The following RARB variants were observed in gnomAD, a reference collection of about 807,000 sequenced individuals.
RARB encodes the protein HBV-activated protein.
A neutral mutation model predicts 51.9 loss-of-function variants in RARB; 17 were observed. The ratio of observed to expected loss-of-function variants is 0.33; its 90% CI spans 0.22 to 0.49. The LOEUF (loss-of-function observed/expected upper bound fraction) is 0.49. Among genes scored for constraint, RARB ranks in the 20% least tolerant of loss-of-function variants. The pLI is 0.99. For synonymous variants in RARB, 215 were observed against 195.4 expected, an observed-to-expected ratio of 1.10 and a Z score of -0.84; for missense variants, 369 against 550.8, an observed-to-expected ratio of 0.67 and a Z score of 3.30.
chr3:24,894,322 G>C (rs1703440297), intron 2 of RARB, among the ~76,000 whole-genome samples: 1 of 145,160 alleles, frequency 6.9e-6, no homozygotes, highest in African/African-American at 2.6e-5. Context: ...TTGTGTCTGT[G>C]TATTCACTGT....
chr3:25,360,976 G>T (rs747788675), intron 5 of RARB, among the ~76,000 whole-genome samples: 7 of 152,070 alleles, frequency 4.6e-5, no homozygotes, highest in Non-Finnish European at 8.8e-5. Context: ...TCTTCTCAAG[G>T]AGTGTCTTAG....
At chr3:25,306,367 G>C (rs1489761710) in intron 5 of RARB, among the ~76,000 whole-genome samples, 1 of 152,158 alleles carries the variant, frequency 6.6e-6, no homozygotes, top group Non-Finnish European at 1.5e-5. Context: ...TAGGGCTGAT[G>C]AAAAGCACTC....
intron 3 of RARB, among the ~76,000 whole-genome samples, chr3:25,566,924 C>A (rs1346019485): frequency 1.3e-5 from 2 of 152,116 alleles, no homozygotes; most frequent in Non-Finnish European, 2.9e-5. Context: ...TCATAAGGCC[C>A]ACCTCACCTG....
intron 5 of RARB, among the ~76,000 whole-genome samples, chr3:25,233,323 A>G (rs1255448342): frequency 6.6e-6 from 1 of 152,072 alleles, no homozygotes; most frequent in Admixed American, 6.6e-5. Context: ...ACATAACCCC[A>G]TCATAAGTCA....
intron 5 of RARB, among the ~76,000 whole-genome samples, chr3:25,391,269 C>T (rs915354376): frequency 6.6e-6 from 1 of 151,982 alleles, no homozygotes; most frequent in Admixed American, 6.6e-5. Flanking sequence ...GGTATATATA[C>T]CATATTTTCT....
At chr3:25,343,693 G>A (rs1431377526) in intron 5 of RARB, among the ~76,000 whole-genome samples, 1 of 151,996 alleles carries the variant, frequency 6.6e-6, no homozygotes, top group Admixed American at 6.6e-5. Context: ...TTTCTAAGAG[G>A]TATATGGTTT....
At chr3:24,845,753 G>T (rs1261448467) in intron 1 of RARB, among the ~76,000 whole-genome samples, 1 of 151,614 alleles carries the variant, frequency 6.6e-6, no homozygotes, top group Admixed American at 6.6e-5. Context: ...GCAGCAGATA[G>T]CCCCCCTCCA....
At chr3:25,176,100 G>A (rs1360573019) in intron 5 of RARB, among the ~76,000 whole-genome samples, 3 of 152,000 alleles carry the variant, frequency 2.0e-5, no homozygotes, top group African/African-American at 7.2e-5. Context: ...CATTTTAACA[G>A]GTTTCTTTCC....
intron 2 of RARB, among the ~76,000 whole-genome samples, chr3:24,898,757 C>T (rs1055382393): frequency 1.3e-5 from 2 of 152,176 alleles, no homozygotes; most frequent in African/African-American, 4.8e-5. Context: ...ATGGTAGCTG[C>T]ATTTAGCTTT....
chr3:25,309,129 A>ACTTTTTT (rs1704223075), intron 5 of RARB, among the ~76,000 whole-genome samples: 1 of 93,008 alleles, frequency 1.1e-5, no homozygotes, highest in African/African-American at 5.0e-5. Context: ...CTGTGCCTCC[A>ACTTTTTT]TTTTTTTTTT....
intron 2 of RARB, among the ~76,000 whole-genome samples, chr3:24,883,064 C>T (rs751721735): frequency 6.6e-6 from 1 of 152,302 alleles, no homozygotes; most frequent in South Asian, 2.1e-4. Context: ...AAGAGCCTTT[C>T]TCCTTGTGAC....
chr3:25,411,198 A>C (rs1707553467), intron 5 of RARB, among the ~76,000 whole-genome samples: 1 of 152,232 alleles, frequency 6.6e-6, no homozygotes, highest in Non-Finnish European at 1.5e-5. Flanking sequence ...TAACATGTAA[A>C]TGCTTAGACA....
chr3:25,207,058 C>A (rs1207623423), intron 5 of RARB, among the ~76,000 whole-genome samples: 1 of 152,196 alleles, frequency 6.6e-6, no homozygotes, highest in Non-Finnish European at 1.5e-5. Flanking sequence ...ATCACAGAAT[C>A]ATGAGGTTAA....
intron 5 of RARB, among the ~76,000 whole-genome samples, chr3:25,229,596 A>G (rs1702130225): frequency 6.6e-6 from 1 of 152,130 alleles, no homozygotes; most frequent in African/African-American, 2.4e-5. Context: ...TTTCTCTATC[A>G]AAGATAAAAT....
chr3:25,456,678 T>TAGAG lies in RARB; in HGVS notation c.158-4514_158-4513insGAGA, dbSNP rs1258830394. Among the ~76,000 whole-genome samples the TAGAG allele has an allele frequency of 3.5e-4, 39 of 110,266 alleles. 1 individual carries two copies. The highest frequency in any genetic ancestry group is 1.5e-3 in the South Asian group (5 of 3,258). 72.3% of individuals were successfully genotyped at this position (110,266 alleles called of 152,430 possible). ...ATATTTGAATATATATATATATATA[T>TAGAG]ATATAGAGAGAGAGAGAGAGAGAGA... On this transcript the variant is annotated intron_variant, in intron 1 of 7. Coordinates refer to ENST00000330688, the MANE Select transcript of RARB (RefSeq NM_000965.5).
At chr3:24,899,110 C>G (rs1416256038) in intron 2 of RARB, among the ~76,000 whole-genome samples, 1 of 152,154 alleles carries the variant, frequency 6.6e-6, no homozygotes, top group East Asian at 1.9e-4. Context: ...CCATTGGGAC[C>G]AGTGACTTAA....
At chr3:25,567,790 A>G (rs183214886) in intron 3 of RARB, among the ~76,000 whole-genome samples, 1 of 152,264 alleles carries the variant, frequency 6.6e-6, no homozygotes, top group East Asian at 1.9e-4. Context: ...TCACTAGCTA[A>G]GGAAGGCCAT....
chr3:24,895,614 T>TC (rs1188732222), intron 2 of RARB, among the ~76,000 whole-genome samples: 1 of 77,692 alleles, frequency 1.3e-5, no homozygotes, highest in Non-Finnish European at 2.4e-5. Flanking sequence ...TACAATTGGG[T>TC]CTTTTTTTTT....
At chr3:25,531,266 AAG>A (rs1698893628) in intron 3 of RARB, among the ~76,000 whole-genome samples, 1 of 152,146 alleles carries the variant, frequency 6.6e-6, no homozygotes, top group Admixed American at 6.5e-5. Context: ...TCCAGGGCCA[AAG>A]AAAGCCCACA....
Sources: allele counts gnomAD v4.1 joint callset (sites outside exome capture counted in the v4.1 genomes callset), GRCh38; gene constraint gnomAD v4.1.1; transcripts MANE v1.5; gene names NCBI Gene and HGNC (gene_info 2026-07-23, HGNC 2026-07-21).